NRXN3: variants seen among roughly 807,000 people sequenced by gnomAD.
The protein encoded by NRXN3 is neurexin III.
NRXN3 carries 32 observed loss-of-function variants against 137.6 expected under a neutral mutation model. The observed-to-expected ratio is 0.23, with a 90% CI of 0.18 to 0.31. The LOEUF (loss-of-function observed/expected upper bound fraction) is 0.31, where lower values mean the gene tolerates loss of function less well. NRXN3 is among the 10% of genes least tolerant of loss of function. The pLI, the probability that NRXN3 is intolerant of heterozygous loss-of-function variation, is 1.00. For synonymous variants in NRXN3, 798 were observed against 784.5 expected, an observed-to-expected ratio of 1.02 and a Z score of -0.29; for missense variants, 1,574 against 2,062.5, an observed-to-expected ratio of 0.76 and a Z score of 4.59.
At chr14:79,164,699 G>A (rs1476792606) in intron 15 of NRXN3, among the ~76,000 whole-genome samples, 1 of 151,908 alleles carries the variant, frequency 6.6e-6, no homozygotes, top group Non-Finnish European at 1.5e-5. Context: ...TACTATACAA[G>A]TAATTAAACT....
intron 4 of NRXN3, among the ~76,000 whole-genome samples, chr14:78,475,972 CT>C (rs1237675050): frequency 6.6e-6 from 1 of 152,132 alleles, no homozygotes; most frequent in Non-Finnish European, 1.5e-5. Context: ...TAAGCAAATA[CT>C]TAGTACATAG....
intron 15 of NRXN3, among the ~76,000 whole-genome samples, chr14:79,111,591 T>A (rs1356745632): frequency 6.6e-6 from 1 of 151,890 alleles, no homozygotes; most frequent in African/African-American, 2.4e-5. Context: ...ATACAAAAAT[T>A]AGCCAGGCGT....
intron 15 of NRXN3, among the ~76,000 whole-genome samples, chr14:79,429,250 G>T (rs1383420908): frequency 6.6e-6 from 1 of 152,020 alleles, no homozygotes; most frequent in Non-Finnish European, 1.5e-5. Context: ...CAGACAAATG[G>T]GTCCAATCCT....
intron 2 of NRXN3, among the ~76,000 whole-genome samples, chr14:78,277,501 A>T (rs2073771982): frequency 6.6e-6 from 1 of 152,134 alleles, no homozygotes; most frequent in Non-Finnish European, 1.5e-5. Context: ...TAGCTGTGTG[A>T]CCTTATATAA....
chr14:78,194,944 G>T (rs2061091670), intron 1 of NRXN3, among the ~76,000 whole-genome samples: 1 of 152,176 alleles, frequency 6.6e-6, no homozygotes, highest in Non-Finnish European at 1.5e-5. Flanking sequence ...CTCAATTGAT[G>T]ACCTGTCTTC....
At chr14:78,430,871 T>C (rs1443406815) in intron 4 of NRXN3, among the ~76,000 whole-genome samples, 1 of 152,186 alleles carries the variant, frequency 6.6e-6, no homozygotes, top group African/African-American at 2.4e-5. Flanking sequence ...GTCGATTTTA[T>C]TTTGTTTTTA....
chr14:78,307,811 A>T (rs1339411642), intron 4 of NRXN3, among the ~76,000 whole-genome samples: 1 of 152,204 alleles, frequency 6.6e-6, no homozygotes, highest in Non-Finnish European at 1.5e-5. Flanking sequence ...ACATCTTGAC[A>T]TAATAACAAT....
chr14:78,701,330 C>CTTAA (rs1441789071), intron 6 of NRXN3, among the ~76,000 whole-genome samples: 3 of 152,198 alleles, frequency 2.0e-5, no homozygotes, highest in Non-Finnish European at 2.9e-5. Context: ...CTTGTTAAAG[C>CTTAA]CTACGCTTAA....
intron 15 of NRXN3, among the ~76,000 whole-genome samples, chr14:79,277,448 A>T (rs911327798): frequency 6.6e-6 from 1 of 152,016 alleles, no homozygotes; most frequent in Non-Finnish European, 1.5e-5. Flanking sequence ...GATATTAAGA[A>T]TTTTTTCTGG....
intron 19 of NRXN3, among the ~76,000 whole-genome samples, chr14:79,753,632 A>G (rs1309873206): frequency 6.6e-6 from 1 of 151,440 alleles, no homozygotes. Context: ...ATGACGAGTT[A>G]ATGGGTGCAG....
intron 15 of NRXN3, among the ~76,000 whole-genome samples, chr14:79,380,146 CTTCT>C (rs199774276): frequency 0.02 from 928 of 46,666 alleles, 8 homozygotes; most frequent in African/African-American, 0.052. Context: ...AGATATACTT[CTTCT>C]TTTTTTTTTT....
chr14:78,320,620 G>C (rs2079210949), intron 4 of NRXN3, among the ~76,000 whole-genome samples: 1 of 152,200 alleles, frequency 6.6e-6, no homozygotes. Context: ...TTATTTCCCA[G>C]TAGATCTGAC....
At position 79,352,102 on chromosome 14, in the gene NRXN3, AGGT is replaced by A. The variant is rs370789290; in HGVS notation, c.3263-115117_3263-115115del. Among the ~76,000 whole-genome samples, 73 of 152,324 alleles carry A rather than the reference AGGT, an allele frequency of 4.8e-4. 1 individual carries two copies. The highest frequency in any genetic ancestry group is 1.7e-3 in the African/African-American group (69 of 41,590). ...TTGGTTGCAAATAAATTGCTGGAGCAGGTGATGATAGCAAAGTCCATGCCATCT... is the reference window on the plus strand; with the variant it reads ...TTGGTTGCAAATAAATTGCTGGAGCAGATGATAGCAAAGTCCATGCCATCT... On this transcript the variant is annotated intron_variant, in intron 15 of 20. Coordinates refer to ENST00000335750, the MANE Select transcript of NRXN3 (RefSeq NM_001330195.2).
chr14:78,200,840 T>C (rs532172667), intron 1 of NRXN3, among the ~76,000 whole-genome samples: 7 of 152,298 alleles, frequency 4.6e-5, no homozygotes, highest in African/African-American at 1.4e-4. Flanking sequence ...GGGAGATCTA[T>C]TGTTTGATCA....
intron 6 of NRXN3, chr14:78,703,849 T>C (rs914578684): frequency 2.6e-5 from 4 of 152,230 alleles, no homozygotes; most frequent in African/African-American, 7.2e-5. Flanking sequence ...GAAGTTGTCC[T>C]CTATGCAGAT....
At chr14:78,720,257 T>G (rs2098453504) in intron 8 of NRXN3, among the ~76,000 whole-genome samples, 1 of 152,180 alleles carries the variant, frequency 6.6e-6, no homozygotes, top group African/African-American at 2.4e-5. Flanking sequence ...GATTCTTATG[T>G]CCCTAGTTGT....
At chr14:78,777,907 T>A (rs761890154) in intron 8 of NRXN3, among the ~76,000 whole-genome samples, 21 of 152,020 alleles carry the variant, frequency 1.4e-4, no homozygotes, top group Non-Finnish European at 3.1e-4. Context: ...GAACTATAGG[T>A]GCATGCCACC....
chr14:79,498,183 G>A (rs902059787), intron 16 of NRXN3, among the ~76,000 whole-genome samples: 2 of 152,214 alleles, frequency 1.3e-5, no homozygotes, highest in East Asian at 3.9e-4. Context: ...TGAGAAAAGG[G>A]CTAAAAATAG....
intron 4 of NRXN3, among the ~76,000 whole-genome samples, chr14:78,303,075 G>A (rs2077031166): frequency 6.6e-6 from 1 of 152,020 alleles, no homozygotes; most frequent in Non-Finnish European, 1.5e-5. Context: ...CCTTTATCTT[G>A]CTCCTCTGTT....
Sources: allele counts gnomAD v4.1 joint callset (sites outside exome capture counted in the v4.1 genomes callset), GRCh38; gene constraint gnomAD v4.1.1; transcripts MANE v1.5; gene names NCBI Gene and HGNC (gene_info 2026-07-23, HGNC 2026-07-21).